The following NRXN1 variants were observed in gnomAD, a reference collection of about 807,000 sequenced individuals.
The protein encoded by NRXN1 is neurexin-1.
A neutral mutation model predicts 150.9 loss-of-function variants in NRXN1; 39 were observed. The ratio of observed to expected loss-of-function variants is 0.26; its 90% confidence interval spans 0.20 to 0.34. The LOEUF is 0.34. Ranked by LOEUF, NRXN1 falls within the 10% of genes least tolerant of loss-of-function variation. The pLI is 1.00. For missense variants in NRXN1, 1,815 were observed against 1,949.9 expected, an observed-to-expected ratio of 0.93 and a Z score of 1.30; for synonymous variants, 924 against 757.0, an observed-to-expected ratio of 1.22 and a Z score of -3.62.
intron 5 of NRXN1, among the ~76,000 whole-genome samples, chr2:50,735,242 A>G (rs780539915): frequency 3.3e-5 from 5 of 152,128 alleles, no homozygotes; most frequent in Admixed American, 6.5e-5. Context: ...TAATTTCACC[A>G]AATCAATATT....
rs150100820 is a variant in NRXN1 at position 50,370,785 on chromosome 2, G to A, written c.3364+94657C>T. On this transcript the variant is annotated intron_variant, in intron 17 of 22. Transcript: ENST00000401669. ...AAAACTCCTTTGCTTTAGCGAACAC[G>A]AATTCAAAAGTGCTAATGAAGTCTC... is the stretch of plus-strand genomic sequence containing the variant. Among the ~76,000 whole-genome samples, 8 of 152,000 alleles carry A rather than the reference G, an allele frequency of 5.3e-5. No individual in the cohort carries two copies. In the East Asian group the frequency reaches 7.8e-4, roughly 15 times the overall value.
At chr2:50,252,300 C>T (rs1363795939) in intron 17 of NRXN1, among the ~76,000 whole-genome samples, 12 of 128,674 alleles carry the variant, frequency 9.3e-5, no homozygotes, top group Non-Finnish European at 1.9e-4. Context: ...CCCTCTATCA[C>T]CCAGGCTGGA....
chr2:50,808,238 G>A (rs1434157461), intron 5 of NRXN1, among the ~76,000 whole-genome samples: 3 of 151,994 alleles, frequency 2.0e-5, no homozygotes, highest in African/African-American at 7.2e-5. Flanking sequence ...TAACCAATTT[G>A]ACATCATGTT....
At chr2:50,643,816 T>A (rs570199228) in intron 5 of NRXN1, among the ~76,000 whole-genome samples, 1 of 151,974 alleles carries the variant, frequency 6.6e-6, no homozygotes, top group South Asian at 2.1e-4. Flanking sequence ...CCTTTTGGTA[T>A]CATGCTGGTA....
intron 5 of NRXN1, among the ~76,000 whole-genome samples, chr2:50,831,508 G>T (rs1671403128): frequency 6.6e-6 from 1 of 152,074 alleles, no homozygotes; most frequent in Non-Finnish European, 1.5e-5. Context: ...GGCTTGAGGG[G>T]CTTCTGAAAC....
At chr2:50,057,863 T>A (rs1346615078) in intron 19 of NRXN1, among the ~76,000 whole-genome samples, 1 of 152,192 alleles carries the variant, frequency 6.6e-6, no homozygotes, top group East Asian at 1.9e-4. Context: ...TATTTTTTGA[T>A]GAATTGTCAC....
chr2:50,961,270 T>C (rs1405600023), intron 2 of NRXN1, among the ~76,000 whole-genome samples: 1 of 151,864 alleles, frequency 6.6e-6, no homozygotes, highest in Non-Finnish European at 1.5e-5. Flanking sequence ...TGTTAAAATG[T>C]AGATTATTTT....
At chr2:50,387,685 T>C (rs7574552) in intron 17 of NRXN1, among the ~76,000 whole-genome samples, 78,993 of 151,946 alleles carry the variant, frequency 0.52, 21,510 homozygotes, top group East Asian at 0.81. Flanking sequence ...ACAGCTGAAG[T>C]GCATGGTCCT....
chr2:50,892,566 T>A (rs1389554450), intron 5 of NRXN1, among the ~76,000 whole-genome samples: 1 of 152,174 alleles, frequency 6.6e-6, no homozygotes. Flanking sequence ...GAAATTCACA[T>A]ACAGCTCTAG....
chr2:50,308,537 G>C (rs868592429), intron 17 of NRXN1, among the ~76,000 whole-genome samples: 10 of 151,470 alleles, frequency 6.6e-5, no homozygotes, highest in African/African-American at 2.2e-4. Context: ...CCAGTTTTTT[G>C]AGATGGGAGT....
intron 5 of NRXN1, among the ~76,000 whole-genome samples, chr2:50,661,865 CTGT>C (rs1243406275): frequency 6.6e-6 from 1 of 152,012 alleles, no homozygotes; most frequent in Non-Finnish European, 1.5e-5. Flanking sequence ...CCAGGCAGGC[CTGT>C]TGTTATATTC....
chr2:50,318,310 G>C (rs142113858), intron 17 of NRXN1, among the ~76,000 whole-genome samples: 7 of 152,064 alleles, frequency 4.6e-5, no homozygotes, highest in Admixed American at 4.6e-4. Context: ...AAGTTTAGAT[G>C]AGAACACAGA....
chr2:50,825,538 G>A (rs921763109), intron 5 of NRXN1, among the ~76,000 whole-genome samples: 17 of 152,336 alleles, frequency 1.1e-4, no homozygotes, highest in Non-Finnish European at 2.5e-4. Context: ...GGAGCTTCCT[G>A]ACAGCTGAAC....
chr2:50,439,848 A>T (rs888040824), intron 17 of NRXN1, among the ~76,000 whole-genome samples: 16 of 151,928 alleles, frequency 1.1e-4, no homozygotes, highest in Non-Finnish European at 2.9e-5. Context: ...AAGATTACTG[A>T]AAGGTCATTA....
intron 2 of NRXN1, among the ~76,000 whole-genome samples, chr2:50,941,299 G>C (rs1449188769): frequency 2.0e-5 from 3 of 152,094 alleles, no homozygotes; most frequent in African/African-American, 4.8e-5. Flanking sequence ...ATTGGTACCA[G>C]GAGTGGGGTA....
At chr2:50,254,586 C>T (rs555209327) in intron 17 of NRXN1, among the ~76,000 whole-genome samples, 2 of 150,386 alleles carry the variant, frequency 1.3e-5, no homozygotes, top group African/African-American at 2.5e-5. Context: ...AATGCTTTAG[C>T]TGCATCCCAA....
intron 17 of NRXN1, among the ~76,000 whole-genome samples, chr2:50,264,273 A>G (rs1404230879): frequency 1.3e-5 from 2 of 152,116 alleles, no homozygotes; most frequent in Non-Finnish European, 2.9e-5. Context: ...GTCACAATTG[A>G]ACGCACACAT....
chr2:50,972,481 C>G (rs1331428078), intron 2 of NRXN1, among the ~76,000 whole-genome samples: 1 of 152,058 alleles, frequency 6.6e-6, no homozygotes, highest in Non-Finnish European at 1.5e-5. Flanking sequence ...GGAGGAAAAT[C>G]CATAGACTGG....
chr2:50,762,479 C>T (rs1559225720), intron 5 of NRXN1, among the ~76,000 whole-genome samples: 1 of 151,846 alleles, frequency 6.6e-6, no homozygotes, highest in Non-Finnish European at 1.5e-5. Context: ...TTTTTCAACT[C>T]TTGCCCCATT....
Sources: allele counts gnomAD v4.1 joint callset (sites outside exome capture counted in the v4.1 genomes callset), GRCh38; gene constraint gnomAD v4.1.1; transcripts MANE v1.5; gene names NCBI Gene and HGNC (gene_info 2026-07-23, HGNC 2026-07-21).